The following SLC24A3 variants were observed in gnomAD, a reference collection of about 807,000 sequenced individuals.
SLC24A3 encodes sodium/potassium/calcium exchanger 3.
SLC24A3 carries 28 observed loss-of-function variants against 75.8 expected under a neutral mutation model. The ratio of observed to expected loss-of-function variants is 0.37; its 90% CI spans 0.27 to 0.51. SLC24A3 has a LOEUF of 0.51. Among genes scored for constraint, SLC24A3 ranks in the 20% least tolerant of loss-of-function variants. SLC24A3 has a pLI of 0.94. For missense variants in SLC24A3, 663 were observed against 847.8 expected, an observed-to-expected ratio of 0.78 and a Z score of 2.71; for synonymous variants, 372 against 334.1, an observed-to-expected ratio of 1.11 and a Z score of -1.24.
At chr20:19,332,510 AG>A (rs1261677106) in intron 2 of SLC24A3, among the ~76,000 whole-genome samples, 1 of 152,158 alleles carries the variant, frequency 6.6e-6, no homozygotes, top group Non-Finnish European at 1.5e-5. Flanking sequence ...AAAATTTACC[AG>A]GTTTCTTTTT....
chr20:19,669,612 G>T (rs1393634360), intron 8 of SLC24A3, among the ~76,000 whole-genome samples: 1 of 152,188 alleles, frequency 6.6e-6, no homozygotes, highest in Non-Finnish European at 1.5e-5. Flanking sequence ...GTGTCTTCAG[G>T]GAGTCTGAAG....
At chr20:19,691,029 T>G (rs6046250) in intron 12 of SLC24A3, among the ~76,000 whole-genome samples, 2,825 of 152,296 alleles carry the variant, frequency 0.019, 95 homozygotes, top group African/African-American at 0.065. Flanking sequence ...ATATAAGCCC[T>G]GCACTATCCC....
intron 6 of SLC24A3, among the ~76,000 whole-genome samples, chr20:19,620,200 C>G (rs2031785601): frequency 6.6e-6 from 1 of 152,156 alleles, no homozygotes; most frequent in Non-Finnish European, 1.5e-5. Context: ...ACTAGTTAGG[C>G]AGATCTTTTT....
chr20:19,520,478 T>C (rs150365611), intron 3 of SLC24A3, among the ~76,000 whole-genome samples: 28 of 152,282 alleles, frequency 1.8e-4, no homozygotes, highest in African/African-American at 5.8e-4. Context: ...TGTGCACATC[T>C]CCATCTTCAC....
In SLC24A3 at chr20:19,221,592, T is replaced by C. The variant is rs140108239; in HGVS notation, c.142+8608T>C. On this transcript the variant is annotated intron_variant, in intron 1 of 16. Coordinates refer to ENST00000328041, the MANE Select transcript of SLC24A3 (RefSeq NM_020689.4). ...TCCTTCTACCTCTACACTTAGAAGA[T>C]AGTTAGACTGGGTCAAGAATTTAGG... Among the ~76,000 whole-genome samples the C allele has an allele frequency of 7.1e-3, 1,089 of 152,316 alleles. 10 individuals are homozygous for C. The highest frequency in any genetic ancestry group is 0.023 in the African/African-American group (964 of 41,554).
chr20:19,254,529 T>G (rs1014153169), intron 1 of SLC24A3, among the ~76,000 whole-genome samples: 6 of 152,206 alleles, frequency 3.9e-5, no homozygotes, highest in African/African-American at 1.2e-4. Context: ...TCAGCAGCTT[T>G]CCTTCCAGTT....
intron 2 of SLC24A3, among the ~76,000 whole-genome samples, chr20:19,322,194 G>T (rs1056737760): frequency 3.9e-5 from 6 of 152,122 alleles, no homozygotes; most frequent in Non-Finnish European, 8.8e-5. Context: ...TGTGGCTTTA[G>T]TATCCTTGGA....
intron 7 of SLC24A3, among the ~76,000 whole-genome samples, chr20:19,664,012 T>C (rs1202937523): frequency 1.3e-5 from 2 of 152,138 alleles, no homozygotes; most frequent in African/African-American, 4.8e-5. Context: ...TAAAAGCTGC[T>C]TTCATATTCT....
chr20:19,433,373 C>T (rs1187907084), intron 2 of SLC24A3, among the ~76,000 whole-genome samples: 1 of 152,126 alleles, frequency 6.6e-6, no homozygotes, highest in Non-Finnish European at 1.5e-5. Context: ...ATGAATGTTC[C>T]GCAGGGAAAA....
intron 3 of SLC24A3, among the ~76,000 whole-genome samples, chr20:19,543,318 G>A (rs2030533673): frequency 6.6e-6 from 1 of 152,198 alleles, no homozygotes; most frequent in African/African-American, 2.4e-5. Flanking sequence ...GAAAAAACCG[G>A]ATACCAGTGG....
At chr20:19,359,722 GTT>G (rs1475676243) in intron 2 of SLC24A3, among the ~76,000 whole-genome samples, 1 of 152,180 alleles carries the variant, frequency 6.6e-6, no homozygotes, top group Non-Finnish European at 1.5e-5. Context: ...AGGGGTGGGT[GTT>G]CTGGCTCTGC....
intron 2 of SLC24A3, among the ~76,000 whole-genome samples, chr20:19,455,167 TC>T (rs1226030235): frequency 6.6e-6 from 1 of 152,158 alleles, no homozygotes; most frequent in Non-Finnish European, 1.5e-5. Context: ...GGAGAACAGA[TC>T]CTGTGAGCAA....
At chr20:19,236,979 A>G (rs903779648) in intron 1 of SLC24A3, among the ~76,000 whole-genome samples, 1 of 152,180 alleles carries the variant, frequency 6.6e-6, no homozygotes, top group Non-Finnish European at 1.5e-5. Flanking sequence ...TCTCCAAGGA[A>G]CTACCTAAGC....
rs542780846 is a variant in SLC24A3, at chr20:19,295,381, C to T, written c.271+14294C>T. ...TTCTCTTTGCCCTGGCCAGAACTTC[C>T]ACTACTATGTTGAATAGGGGTGGTG... On this transcript the variant is annotated intron_variant, in intron 2 of 16. Coordinates refer to ENST00000328041, the MANE Select transcript of SLC24A3 (RefSeq NM_020689.4). Among the ~76,000 whole-genome samples, 3 of 152,302 alleles carry T rather than the reference C, an allele frequency of 2.0e-5. No homozygotes were observed. The East Asian group carries it at 5.8e-4, about 29-fold the overall frequency.
chr20:19,467,706 C>A (rs1448773792), intron 2 of SLC24A3, among the ~76,000 whole-genome samples: 1 of 152,036 alleles, frequency 6.6e-6, no homozygotes, highest in Non-Finnish European at 1.5e-5. Context: ...CATGGTGAAA[C>A]CCCATCTCCA....
intron 15 of SLC24A3, among the ~76,000 whole-genome samples, chr20:19,716,179 C>A (rs2033044784): frequency 6.6e-6 from 1 of 152,054 alleles, no homozygotes; most frequent in Non-Finnish European, 1.5e-5. Flanking sequence ...CGCTGCTGGC[C>A]CCAAAACCAC....
intron 1 of SLC24A3, among the ~76,000 whole-genome samples, chr20:19,233,379 G>A (rs1271660226): frequency 6.6e-6 from 1 of 152,226 alleles, no homozygotes; most frequent in East Asian, 1.9e-4. Context: ...ACCATACATG[G>A]ACGCATCTTG....
At chr20:19,270,190 T>C (rs1600403048) in intron 1 of SLC24A3, among the ~76,000 whole-genome samples, 1 of 152,140 alleles carries the variant, frequency 6.6e-6, no homozygotes, top group Non-Finnish European at 1.5e-5. Context: ...TTCATGTGTG[T>C]GTACATTCAC....
intron 1 of SLC24A3, among the ~76,000 whole-genome samples, chr20:19,233,696 A>G (rs1256791211): frequency 1.3e-5 from 2 of 152,206 alleles, no homozygotes; most frequent in Non-Finnish European, 2.9e-5. Context: ...TAACTTCATG[A>G]TGCTCCTGCA....
Sources: allele counts gnomAD v4.1 joint callset (sites outside exome capture counted in the v4.1 genomes callset), GRCh38; gene constraint gnomAD v4.1.1; transcripts MANE v1.5; gene names NCBI Gene and HGNC (gene_info 2026-07-23, HGNC 2026-07-21).